SDK1: variants seen among roughly 807,000 people sequenced by gnomAD.
The protein encoded by SDK1 is sidekick cell adhesion molecule 1, also known as protein sidekick-1.
SDK1 carries 157 observed loss-of-function variants against 245.5 expected under a neutral mutation model. The ratio of observed to expected loss-of-function variants is 0.64; its 90% CI spans 0.56 to 0.73. The LOEUF is 0.73. Among genes scored for constraint, SDK1 ranks in the 30% least tolerant of loss-of-function variants. SDK1 has a pLI of 0.00. For synonymous variants in SDK1, 1,647 were observed against 1,278.5 expected (o/e 1.29, Z -6.15); for missense variants, 3,583 against 3,002.3 (o/e 1.19, Z -4.52).
intron 40 of SDK1, among the ~76,000 whole-genome samples, chr7:4,222,649 G>C (rs1005576850): frequency 6.6e-6 from 1 of 152,270 alleles, no homozygotes; most frequent in South Asian, 2.1e-4. Flanking sequence ...AAAAGCCAAA[G>C]GCAACATAAA....
At chr7:3,448,599 T>A (rs900585597) in intron 1 of SDK1, among the ~76,000 whole-genome samples, 2 of 152,198 alleles carry the variant, frequency 1.3e-5, no homozygotes, top group African/African-American at 4.8e-5. Context: ...TTTATATAAA[T>A]ATCTTTTAAT....
At position 3,793,979 on chromosome 7, in the gene SDK1, C is replaced by T. The variant is rs79638124; in HGVS notation, c.714-27471C>T. On this transcript the variant is annotated intron_variant, in intron 4 of 44. Coordinates refer to ENST00000404826, the MANE Select transcript of SDK1 (RefSeq NM_152744.4). ...TGCTGAAGGCCTTTTGTTCTAAGGG[C>T]ACCTCCAACCCCCACATCCTAGTAG... Among the ~76,000 whole-genome samples, 874 of 152,294 alleles carry T rather than the reference C, an allele frequency of 5.7e-3. 5 individuals are homozygous for T. Among genetic ancestry groups the T allele is most frequent in the African/African-American group, 0.02 (818 of 41,556 alleles).
intron 1 of SDK1, among the ~76,000 whole-genome samples, chr7:3,556,623 C>A (rs868178149): frequency 6.6e-6 from 1 of 151,688 alleles, no homozygotes; most frequent in Non-Finnish European, 1.5e-5. Context: ...GATTTTGAGA[C>A]CAGTCTGGCG....
intron 5 of SDK1, among the ~76,000 whole-genome samples, chr7:3,857,163 G>C (rs1164302298): frequency 6.6e-6 from 1 of 152,056 alleles, no homozygotes; most frequent in Admixed American, 6.5e-5. Flanking sequence ...AAAATCTACT[G>C]GAAACAACAT....
intron 4 of SDK1, among the ~76,000 whole-genome samples, chr7:3,660,922 A>G (rs1783334248): frequency 6.6e-6 from 1 of 152,208 alleles, no homozygotes; most frequent in Non-Finnish European, 1.5e-5. Context: ...TCCTTTGGTG[A>G]TATGTGTATA....
At chr7:4,138,880 G>A (rs1779272358) in intron 28 of SDK1, among the ~76,000 whole-genome samples, 2 of 152,218 alleles carry the variant, frequency 1.3e-5, no homozygotes, top group South Asian at 4.1e-4. Context: ...TCCTCCTGCA[G>A]ACCAGCATAC....
chr7:3,602,604 A>C (rs902850017), intron 1 of SDK1, among the ~76,000 whole-genome samples: 1 of 151,626 alleles, frequency 6.6e-6, no homozygotes, highest in East Asian at 1.9e-4. Flanking sequence ...AGGTTGCAAA[A>C]ATTTTCTCCC....
At chr7:3,609,740 A>C (rs1336957301) in intron 1 of SDK1, among the ~76,000 whole-genome samples, 2 of 117,596 alleles carry the variant, frequency 1.7e-5, no homozygotes, top group African/African-American at 3.5e-5. Context: ...TCACTCCCTT[A>C]CCCAGGCTAG....
chr7:3,855,273 C>T (rs751463036), intron 5 of SDK1, among the ~76,000 whole-genome samples: 28 of 151,884 alleles, frequency 1.8e-4, no homozygotes, highest in Non-Finnish European at 3.2e-4. Flanking sequence ...CACTAGACAG[C>T]TGGGGAATGA....
At chr7:3,498,368 A>G (rs189323351) in intron 1 of SDK1, among the ~76,000 whole-genome samples, 34 of 152,276 alleles carry the variant, frequency 2.2e-4, no homozygotes, top group African/African-American at 7.9e-4. Flanking sequence ...TTTATTTACC[A>G]GCCTTCTAGA....
chr7:3,743,854 G>C (rs1258314734), intron 4 of SDK1, among the ~76,000 whole-genome samples: 1 of 152,144 alleles, frequency 6.6e-6, no homozygotes, highest in Admixed American at 6.5e-5. Context: ...CCACAAGTTA[G>C]CAGCTATCTG....
intron 1 of SDK1, among the ~76,000 whole-genome samples, chr7:3,490,716 C>T (rs1332680572): frequency 6.6e-6 from 1 of 152,140 alleles, no homozygotes; most frequent in East Asian, 1.9e-4. Flanking sequence ...TAAATGAGGC[C>T]AGGCAGACTT....
At chr7:3,859,158 G>A (rs1048087945) in intron 5 of SDK1, among the ~76,000 whole-genome samples, 8 of 152,046 alleles carry the variant, frequency 5.3e-5, no homozygotes, top group African/African-American at 7.2e-5. Context: ...CACCAAGCCC[G>A]GCCCATATTT....
At chr7:3,431,825 G>A (rs1181774213) in intron 1 of SDK1, among the ~76,000 whole-genome samples, 5 of 152,008 alleles carry the variant, frequency 3.3e-5, no homozygotes, top group African/African-American at 7.2e-5. Context: ...ATTCATATGT[G>A]AGCAAACTGA....
At chr7:3,332,916 T>A (rs76956098) in intron 1 of SDK1, among the ~76,000 whole-genome samples, 1 of 152,344 alleles carries the variant, frequency 6.6e-6, no homozygotes, top group Non-Finnish European at 1.5e-5. Context: ...CTTACCACTT[T>A]GACATTACCA....
rs1338620793 is a variant in SDK1, at chr7:4,265,996, G to T, written c.*612G>T. 1 of 985,482 alleles carries T rather than the reference G, an allele frequency of 1.0e-6. No individual in the cohort carries two copies. Among genetic ancestry groups the T allele is most frequent in the South Asian group, 4.7e-5 (1 of 21,294 alleles). 61.0% of individuals were successfully genotyped at this position (985,482 alleles called of 1,614,324 possible). ...TTCAGGTTCCTGACGGCCAGGCAGG[G>T]ATGCTAAGGTGTGGCTCAGCCGTCA... On this transcript the variant is annotated 3_prime_UTR_variant, in exon 45 of 45. Coordinates refer to ENST00000404826, the MANE Select transcript of SDK1 (RefSeq NM_152744.4).
At chr7:4,142,472 G>T (rs1779643004) in intron 28 of SDK1, among the ~76,000 whole-genome samples, 1 of 152,232 alleles carries the variant, frequency 6.6e-6, no homozygotes, top group African/African-American at 2.4e-5. Flanking sequence ...GGGATTACAA[G>T]CGCCCGCCAT....
chr7:3,913,563 C>G (rs961869260), intron 5 of SDK1, among the ~76,000 whole-genome samples: 10 of 151,986 alleles, frequency 6.6e-5, no homozygotes, highest in Non-Finnish European at 7.4e-5. Flanking sequence ...AAAGTGCTGA[C>G]ATTACAGGCG....
rs185541150 is a variant in SDK1, at chr7:3,575,079, G to T, written c.299-44001G>T. Among the ~76,000 whole-genome samples, 104 of 152,078 alleles carry T rather than the reference G, an allele frequency of 6.8e-4. 2 individuals are homozygous for T. The highest frequency in any genetic ancestry group is 2.5e-3 in the African/African-American group (102 of 41,530). On this transcript the variant is annotated intron_variant, in intron 1 of 44. Transcript: ENST00000404826. ...TGCCTCTTACAAGACAGATTCTTAC[G>T]TTGAAGTTGACATCTGCCACCTGAC...
Sources: allele counts gnomAD v4.1 joint callset (sites outside exome capture counted in the v4.1 genomes callset), GRCh38; gene constraint gnomAD v4.1.1; transcripts MANE v1.5; gene names NCBI Gene and HGNC (gene_info 2026-07-23, HGNC 2026-07-21).